LTBP1: variants seen among roughly 807,000 people sequenced by gnomAD.
LTBP1 encodes the protein latent-transforming growth factor beta-binding protein 1.
In LTBP1, 129 loss-of-function variants were observed where a neutral mutation model predicts 207.6. The ratio of observed to expected loss-of-function variants is 0.62; its 90% CI spans 0.54 to 0.72. The LOEUF (loss-of-function observed/expected upper bound fraction) is 0.72. Ranked by LOEUF, LTBP1 falls within the 30% of genes least tolerant of loss-of-function variation. The pLI, the probability that LTBP1 is intolerant of heterozygous loss-of-function variation, is 0.00. For missense variants in LTBP1, 2,281 were observed against 2,217.2 expected, an observed-to-expected ratio of 1.03 and a Z score of -0.58; for synonymous variants, 963 against 833.7, an observed-to-expected ratio of 1.16 and a Z score of -2.67.
At chr2:33,088,605 A>G (rs2078893393) in intron 3 of LTBP1, among the ~76,000 whole-genome samples, 2 of 152,150 alleles carry the variant, frequency 1.3e-5, no homozygotes, top group South Asian at 4.1e-4. Flanking sequence ...TCATGAGGGT[A>G]AGGTCTTAGT....
chr2:33,005,409 C>G (rs1182379829), intron 2 of LTBP1, among the ~76,000 whole-genome samples: 1 of 151,996 alleles, frequency 6.6e-6, no homozygotes, highest in African/African-American at 2.4e-5. Flanking sequence ...TCCAGGTGCA[C>G]CTTTCCACAT....
intron 3 of LTBP1, among the ~76,000 whole-genome samples, chr2:33,042,196 A>G (rs368373239): frequency 3.3e-5 from 5 of 152,290 alleles, no homozygotes; most frequent in Admixed American, 1.3e-4. Flanking sequence ...TAATTGTGCT[A>G]TTTATTTTCT....
intron 2 of LTBP1, among the ~76,000 whole-genome samples, chr2:33,013,644 C>T (rs1256002606): frequency 6.6e-6 from 1 of 151,986 alleles, no homozygotes; most frequent in African/African-American, 2.4e-5. Flanking sequence ...AGGAAAACTG[C>T]TGGTTGTTTT....
At chr2:33,332,849 A>G (rs1226101491) in intron 24 of LTBP1, 1 of 152,266 alleles carries the variant, frequency 6.6e-6, no homozygotes, top group Non-Finnish European at 1.5e-5. Context: ...AACTTGGTGC[A>G]CTCAAGGGAG....
intron 9 of LTBP1, among the ~76,000 whole-genome samples, chr2:33,231,210 C>T (rs747945878): frequency 1.2e-4 from 19 of 152,126 alleles, no homozygotes; most frequent in African/African-American, 1.7e-4. Flanking sequence ...CCTATGAGCC[C>T]GTTAAAGGAA....
At chr2:33,199,030 G>C (rs544044694) in intron 7 of LTBP1, among the ~76,000 whole-genome samples, 1 of 151,876 alleles carries the variant, frequency 6.6e-6, no homozygotes, top group South Asian at 2.1e-4. Context: ...TCTCTTGTGG[G>C]CATTTAGTGC....
At chr2:33,336,226 T>G (rs1156281279) in intron 24 of LTBP1, among the ~76,000 whole-genome samples, 6 of 152,202 alleles carry the variant, frequency 3.9e-5, no homozygotes, top group African/African-American at 1.4e-4. Flanking sequence ...TCCATCTTCA[T>G]AGTGGGCAAA....
At chr2:33,363,303 C>A (rs2094946956) in intron 28 of LTBP1, 87 bp from the exon 29 acceptor site, 1 of 1,341,878 alleles carries the variant, frequency 7.5e-7, no homozygotes, top group South Asian at 1.4e-5. Flanking sequence ...TAATATCTAA[C>A]TTAAAGCCCC....
At chr2:33,347,631 C>T in intron 26 of LTBP1, 121 bp downstream of exon 26, 2 of 1,186,436 alleles carry the variant, frequency 1.7e-6, no homozygotes, top group African/African-American at 1.5e-5. Context: ...TGACACAGTG[C>T]TGTCTCTGGA....
At chr2:33,087,422 C>T (rs1252355676) in intron 3 of LTBP1, among the ~76,000 whole-genome samples, 1 of 152,210 alleles carries the variant, frequency 6.6e-6, no homozygotes, top group East Asian at 1.9e-4. Context: ...TTTTCAAAGT[C>T]CTCTCAAAAT....
chr2:33,011,425 A>C (rs1687657665), intron 2 of LTBP1, among the ~76,000 whole-genome samples: 1 of 152,170 alleles, frequency 6.6e-6, no homozygotes, highest in Non-Finnish European at 1.5e-5. Flanking sequence ...TTAAAGAGGT[A>C]ATTAAGTTAA....
intron 3 of LTBP1, among the ~76,000 whole-genome samples, chr2:33,049,288 C>G (rs2076607701): frequency 6.6e-6 from 1 of 152,040 alleles, no homozygotes; most frequent in African/African-American, 2.4e-5. Context: ...GTTTGTAAGA[C>G]CAATGAAATG....
At chr2:33,352,871 C>T (rs1342239545) in intron 26 of LTBP1, among the ~76,000 whole-genome samples, 1 of 152,114 alleles carries the variant, frequency 6.6e-6, no homozygotes, top group African/African-American at 2.4e-5. Flanking sequence ...AAGCCCATGC[C>T]CTGCTCATGG....
intron 8 of LTBP1, 67 bp downstream of exon 8, chr2:33,217,721 T>TAATG (rs1483013408): frequency 9.4e-7 from 1 of 1,058,292 alleles, no homozygotes; most frequent in Non-Finnish European, 1.4e-6. Context: ...ATTACTCCTT[T>TAATG]AATGATGAGG....
intron 3 of LTBP1, among the ~76,000 whole-genome samples, chr2:33,072,997 A>G (rs1268919453): frequency 6.6e-6 from 1 of 152,222 alleles, no homozygotes; most frequent in African/African-American, 2.4e-5. Flanking sequence ...TGGGGGGAGT[A>G]GTCAGTAGTG....
At chr2:33,116,813 G>A (rs2080773208) in intron 4 of LTBP1, among the ~76,000 whole-genome samples, 1 of 151,720 alleles carries the variant, frequency 6.6e-6, no homozygotes, top group Non-Finnish European at 1.5e-5. Flanking sequence ...GGAAAAGTGA[G>A]GTCAAGCCCA....
chr2:32,959,291 GA>G (rs1678603976), intron 2 of LTBP1, among the ~76,000 whole-genome samples: 1 of 151,974 alleles, frequency 6.6e-6, no homozygotes, highest in Non-Finnish European at 1.5e-5. Flanking sequence ...ATTTAGAGGT[GA>G]AAACCGAGTG....
rs138525280 is a variant in LTBP1, at chr2:33,102,223, G to A, written c.864-8359G>A. Among the ~76,000 whole-genome samples the A allele has an allele frequency of 8.0e-3, 1,210 of 152,160 alleles. 11 individuals are homozygous for A. The highest frequency in any genetic ancestry group is 0.01 in the Middle Eastern group (3 of 294). Reference sequence around the variant, plus strand: ...GGTGATAGTAGCCCACGTTTAGAGCGCTAGTTTTCAACCATGGAACTATTG... The same window carrying A: ...GGTGATAGTAGCCCACGTTTAGAGCACTAGTTTTCAACCATGGAACTATTG... On this transcript the variant is annotated intron_variant, in intron 3 of 33. Coordinates refer to ENST00000404816, the MANE Select transcript of LTBP1 (RefSeq NM_206943.4).
chr2:33,119,613 G>A (rs924783884), intron 4 of LTBP1, among the ~76,000 whole-genome samples: 17 of 152,118 alleles, frequency 1.1e-4, no homozygotes, highest in African/African-American at 3.9e-4. Flanking sequence ...CTGGAGTGGA[G>A]TGGTGCGATC....
Sources: allele counts gnomAD v4.1 joint callset (sites outside exome capture counted in the v4.1 genomes callset), GRCh38; gene constraint gnomAD v4.1.1; transcripts MANE v1.5; gene names NCBI Gene and HGNC (gene_info 2026-07-23, HGNC 2026-07-21).